Variants in GLT1D1 observed in about 807,000 individuals in gnomAD.
The protein encoded by GLT1D1 is glycosyltransferase 1 domain containing 1.
Under a neutral mutation model 28.7 loss-of-function variants are expected in GLT1D1, and 21 were observed. The ratio of observed to expected loss-of-function variants is 0.73; its 90% confidence interval spans 0.52 to 1.05. The LOEUF is 1.05. Ranked by LOEUF, GLT1D1 falls within the 50% of genes least tolerant of loss-of-function variation. The pLI, the probability that GLT1D1 is intolerant of heterozygous loss-of-function variation, is 0.00. For synonymous variants in GLT1D1, 147 were observed against 124.8 expected, an observed-to-expected ratio of 1.18 and a Z score of -1.19; for missense variants, 343 against 330.6, an observed-to-expected ratio of 1.04 and a Z score of -0.29.
intron 7 of GLT1D1, among the ~76,000 whole-genome samples, chr12:128,974,570 A>G (rs902845870): frequency 6.6e-6 from 1 of 152,194 alleles, no homozygotes; most frequent in African/African-American, 2.4e-5. Flanking sequence ...CTCACCATCC[A>G]TAAGACCACT....
At chr12:128,878,464 G>A (rs767790172) in intron 2 of GLT1D1, among the ~76,000 whole-genome samples, 33 of 152,120 alleles carry the variant, frequency 2.2e-4, no homozygotes, top group Non-Finnish European at 4.3e-4. Flanking sequence ...ATACCAACTT[G>A]GGAGAATATA....
chr12:128,925,493 T>C (rs1249840548), intron 4 of GLT1D1, among the ~76,000 whole-genome samples: 1 of 152,244 alleles, frequency 6.6e-6, no homozygotes, highest in Non-Finnish European at 1.5e-5. Context: ...ACTCTATCCA[T>C]GTCCCTGCAA....
chr12:128,891,448 C>T (rs1211054126), intron 3 of GLT1D1, among the ~76,000 whole-genome samples: 1 of 152,174 alleles, frequency 6.6e-6, no homozygotes, highest in Non-Finnish European at 1.5e-5. Flanking sequence ...GCCTAACTAT[C>T]CCTTCGACCC....
At chr12:128,890,479 G>A (rs143845696) in intron 3 of GLT1D1, among the ~76,000 whole-genome samples, 1 of 152,058 alleles carries the variant, frequency 6.6e-6, no homozygotes, top group African/African-American at 2.4e-5. Flanking sequence ...ACAATAATAA[G>A]AATTAAAATA....
intron 4 of GLT1D1, among the ~76,000 whole-genome samples, chr12:128,922,842 G>A (rs1463065528): frequency 2.1e-5 from 3 of 141,802 alleles, no homozygotes; most frequent in Non-Finnish European, 4.5e-5. Flanking sequence ...AGAATCGCTT[G>A]AACCCAAGAG....
chr12:128,928,612 GT>G (rs966874574), intron 4 of GLT1D1, among the ~76,000 whole-genome samples: 2 of 143,968 alleles, frequency 1.4e-5, no homozygotes, highest in African/African-American at 2.5e-5. Flanking sequence ...CGTGTTTGTG[GT>G]TTTTTTTTTT....
intron 3 of GLT1D1, among the ~76,000 whole-genome samples, chr12:128,893,235 ACT>A (rs1047118669): frequency 6.6e-6 from 1 of 152,118 alleles, no homozygotes; most frequent in African/African-American, 2.4e-5. Flanking sequence ...AAAGAGGGAG[ACT>A]CTGTCTCAAA....
chr12:128,866,883 AGTGCTGG>A (rs1956542383), intron 1 of GLT1D1, among the ~76,000 whole-genome samples: 1 of 151,528 alleles, frequency 6.6e-6, no homozygotes, highest in South Asian at 2.1e-4. Flanking sequence ...GGCCTCCCAA[AGTGCTGG>A]GATTACAGGC....
chr12:128,970,464 C>T (rs1391636313), intron 7 of GLT1D1, among the ~76,000 whole-genome samples: 3 of 152,216 alleles, frequency 2.0e-5, no homozygotes, highest in Admixed American at 6.5e-5. Flanking sequence ...CCTTCCAGCC[C>T]GCCCACTCCC....
chr12:128,938,782 C>T (rs1288589802), intron 4 of GLT1D1, among the ~76,000 whole-genome samples: 1 of 152,172 alleles, frequency 6.6e-6, no homozygotes, highest in African/African-American at 2.4e-5. Context: ...TGTTTAGACC[C>T]TCTGCCTGTA....
At chr12:128,874,059 C>CCCTCCCTCCCTT (rs1555261542) in intron 1 of GLT1D1, among the ~76,000 whole-genome samples, 1 of 34,694 alleles carries the variant, frequency 2.9e-5, no homozygotes, top group African/African-American at 1.5e-4. Flanking sequence ...CTCCCTCCCT[C>CCCTCCCTCCCTT]CTTTCTTTCT....
At chr12:128,877,753 G>A (rs1956905955) in intron 2 of GLT1D1, among the ~76,000 whole-genome samples, 1 of 151,904 alleles carries the variant, frequency 6.6e-6, no homozygotes, top group Non-Finnish European at 1.5e-5. Context: ...ATTACCCCCT[G>A]CCCCAACTTA....
At chr12:128,890,327 A>G (rs542834538) in intron 3 of GLT1D1, among the ~76,000 whole-genome samples, 1 of 152,314 alleles carries the variant, frequency 6.6e-6, no homozygotes, top group African/African-American at 2.4e-5. Context: ...ATAAAGGCCC[A>G]TTATAATCTT....
chr12:128,884,226 A>G (rs190561608), intron 2 of GLT1D1, among the ~76,000 whole-genome samples: 32 of 152,324 alleles, frequency 2.1e-4, no homozygotes, highest in Admixed American at 1.7e-3. Flanking sequence ...TGGAAAACGA[A>G]GGATATTCTG....
chr12:128,903,624 G>T (rs963343301), intron 4 of GLT1D1, among the ~76,000 whole-genome samples: 2 of 151,688 alleles, frequency 1.3e-5, no homozygotes, highest in African/African-American at 4.9e-5. Context: ...GTAGTCACTC[G>T]TGCATCCCTG....
At chr12:128,930,633 C>T (rs597871) in intron 4 of GLT1D1, among the ~76,000 whole-genome samples, 23,241 of 152,170 alleles carry the variant, frequency 0.15, 1,919 homozygotes, top group South Asian at 0.26. Context: ...TGACGATCAT[C>T]TGGTCGCAAT....
At chr12:128,973,178 GGTT>G (rs1879367800) in intron 7 of GLT1D1, among the ~76,000 whole-genome samples, 2 of 83,732 alleles carry the variant, frequency 2.4e-5, no homozygotes, top group East Asian at 6.4e-4. Context: ...TTGTTTGCTT[GGTT>G]TTTTTTTTTT....
At position 128,873,318 on chromosome 12, in the gene GLT1D1, AG is replaced by A. The variant is rs371757288; in HGVS notation, c.69-2595del. 5.6e-3 allele frequency among the ~76,000 whole-genome samples: 855 copies of A among 152,322 alleles called. 6 individuals carry two copies. Among genetic ancestry groups the A allele is most frequent in the African/African-American group, 0.02 (811 of 41,558 alleles). On this transcript the variant is annotated intron_variant, in intron 1 of 7. Coordinates refer to ENST00000281703, the MANE Select transcript of GLT1D1 (RefSeq NM_144669.3). ...TTCACTGTGCTCTGTTTTCATTAATAGTGAATCTTGGAATTCATTCTTAATA... is the reference window on the plus strand; with the variant it reads ...TTCACTGTGCTCTGTTTTCATTAATATGAATCTTGGAATTCATTCTTAATA...
intron 4 of GLT1D1, among the ~76,000 whole-genome samples, chr12:128,942,676 A>C (rs1875427904): frequency 6.6e-6 from 1 of 151,270 alleles, no homozygotes; most frequent in Non-Finnish European, 1.5e-5. Context: ...ACCACACAGC[A>C]CATCAGCAGC....
Sources: gnomAD v4.1 joint callset for allele counts (sites outside exome capture counted in the v4.1 genomes callset) on GRCh38, gnomAD v4.1.1 for gene constraint, MANE v1.5 for transcripts, NCBI Gene and HGNC (gene_info 2026-07-23, HGNC 2026-07-21) for gene names.